LIMS1: variants seen among roughly 807,000 people sequenced by gnomAD.
LIMS1 encodes the protein LIM and senescent cell antigen-like-containing domain protein 1.
In LIMS1, 18 loss-of-function variants were observed where a neutral mutation model predicts 44.1. The ratio of observed to expected loss-of-function variants is 0.41; its 90% confidence interval spans 0.28 to 0.61. LIMS1 has a LOEUF of 0.61. LIMS1 is among the 20% of genes least tolerant of loss of function. The pLI is 0.32. For synonymous variants in LIMS1, 93 were observed against 149.1 expected, an observed-to-expected ratio of 0.62 and a Z score of 2.74; for missense variants, 201 against 422.0, an observed-to-expected ratio of 0.48 and a Z score of 4.59.
In LIMS1 at chr2:108,590,809, GATCTACCC is replaced by G. The variant is rs1047359339; in HGVS notation, c.32+56216_32+56223del. On this transcript the variant is annotated intron_variant, in intron 1 of 9. Transcript: ENST00000544547. ...TATGCTGGGCTGCAAGTGCTTTCTG[GATCTACCC>G]CCTGCCCTATTCCTTTCTGTGCTGT... is the stretch of plus-strand genomic sequence containing the variant. Among the ~76,000 whole-genome samples the G allele has an allele frequency of 3.1e-3, 470 of 152,296 alleles. 1 individual carries two copies. The highest frequency in any genetic ancestry group is 0.011 in the African/African-American group (441 of 41,562).
upstream of LIMS1, chr2:108,534,278 G>GC (rs1458892547): frequency 2.2e-5 from 3 of 136,940 alleles, no homozygotes; most frequent in African/African-American, 5.8e-5. Flanking sequence ...GCCCCGCAAC[G>GC]CCCCGCCCCC....
intron 1 of LIMS1, among the ~76,000 whole-genome samples, chr2:108,606,999 C>G (rs1687305805): frequency 6.6e-6 from 1 of 152,234 alleles, no homozygotes; most frequent in Non-Finnish European, 1.5e-5. Flanking sequence ...CTGAATGTGT[C>G]TCCCCAAAAT....
intron 1 of LIMS1, among the ~76,000 whole-genome samples, chr2:108,642,688 T>A (rs953779630): frequency 2.0e-5 from 3 of 152,170 alleles, no homozygotes; most frequent in Non-Finnish European, 2.9e-5. Context: ...AGCTGCTTTT[T>A]AAAAAAATGT....
intron 1 of LIMS1, among the ~76,000 whole-genome samples, chr2:108,551,598 A>ATATATATATG (rs201865902): frequency 2.1e-5 from 3 of 140,638 alleles, no homozygotes; most frequent in Admixed American, 7.2e-5. Flanking sequence ...CATGGTTCCT[A>ATATATATATG]TATATATATG....
chr2:108,582,030 T>G (rs1267696511), intron 1 of LIMS1, among the ~76,000 whole-genome samples: 1 of 152,250 alleles, frequency 6.6e-6, no homozygotes, highest in African/African-American at 2.4e-5. Context: ...AGTTGGGGAC[T>G]TCTTTGATTA....
chr2:108,629,637 T>C (rs545213697), intron 1 of LIMS1, among the ~76,000 whole-genome samples: 6 of 152,342 alleles, frequency 3.9e-5, no homozygotes, highest in African/African-American at 1.4e-4. Flanking sequence ...AGTGGAACTT[T>C]ACCTTGGGCC....
At chr2:108,578,224 T>C (rs1260169420) in intron 1 of LIMS1, among the ~76,000 whole-genome samples, 2 of 152,334 alleles carry the variant, frequency 1.3e-5, no homozygotes, top group East Asian at 3.9e-4. Context: ...GTTTTGATAC[T>C]ATAGAGAGGT....
At chr2:108,626,152 A>G (rs1027627575) in intron 1 of LIMS1, among the ~76,000 whole-genome samples, 11 of 152,242 alleles carry the variant, frequency 7.2e-5, no homozygotes, top group Non-Finnish European at 1.3e-4. Context: ...TGTTTCTTGC[A>G]TACCTCTTTT....
intron 1 of LIMS1, among the ~76,000 whole-genome samples, chr2:108,544,423 G>A (rs999312922): frequency 7.2e-5 from 11 of 152,104 alleles, no homozygotes; most frequent in African/African-American, 2.7e-4. Context: ...TATTATGGAG[G>A]ATTTCAAACA....
At chr2:108,581,782 A>G (rs1375348192) in intron 1 of LIMS1, among the ~76,000 whole-genome samples, 1 of 152,088 alleles carries the variant, frequency 6.6e-6, no homozygotes, top group African/African-American at 2.4e-5. Flanking sequence ...TACTAAAAAT[A>G]CAAAATTACT....
intron 1 of LIMS1, among the ~76,000 whole-genome samples, chr2:108,644,029 C>G (rs1471908371): frequency 6.6e-5 from 10 of 152,190 alleles, no homozygotes; most frequent in African/African-American, 1.7e-4. Context: ...CAGGGACTTA[C>G]AGATAAAACC....
At chr2:108,617,402 GT>G (rs1687985153) in intron 1 of LIMS1, among the ~76,000 whole-genome samples, 1 of 152,138 alleles carries the variant, frequency 6.6e-6, no homozygotes, top group South Asian at 2.1e-4. Context: ...AAGCTTCAGA[GT>G]TTTAGTCTCA....
intron 1 of LIMS1, among the ~76,000 whole-genome samples, chr2:108,572,538 C>G (rs114625306): frequency 3.3e-5 from 5 of 151,808 alleles, no homozygotes; most frequent in Non-Finnish European, 7.4e-5. Context: ...AGGAGGATTA[C>G]CCCACCCAGC....
intron 1 of LIMS1, among the ~76,000 whole-genome samples, chr2:108,606,788 A>G (rs554175272): frequency 1.0e-3 from 153 of 152,332 alleles, no homozygotes; most frequent in Middle Eastern, 3.4e-3. Flanking sequence ...TGGGAGTCCT[A>G]TGTGAGGAGA....
chr2:108,621,393 T>TCTG, intron 1 of LIMS1: 3 of 1,550,148 alleles, frequency 1.9e-6, no homozygotes, highest in Non-Finnish European at 2.6e-6. Context: ...CACATTCAGG[T>TCTG]CTCTACAGGA....
At chr2:108,635,640 C>T (rs1286696057) in intron 1 of LIMS1, among the ~76,000 whole-genome samples, 2 of 129,600 alleles carry the variant, frequency 1.5e-5, no homozygotes, top group African/African-American at 5.5e-5. Flanking sequence ...GGGGAGGTTT[C>T]GGTGAACTGA....
chr2:108,587,110 C>G (rs1028328517), intron 1 of LIMS1, among the ~76,000 whole-genome samples: 1 of 152,064 alleles, frequency 6.6e-6, no homozygotes, highest in African/African-American at 2.4e-5. Flanking sequence ...TTAGAACTCC[C>G]TCTGCCTTTA....
At chr2:108,563,193 A>G (rs1685182502) in intron 1 of LIMS1, among the ~76,000 whole-genome samples, 1 of 152,260 alleles carries the variant, frequency 6.6e-6, no homozygotes, top group East Asian at 1.9e-4. Flanking sequence ...AAGGAGATTA[A>G]TGTTATTTCC....
intron 1 of LIMS1, among the ~76,000 whole-genome samples, chr2:108,568,324 C>T (rs542650733): frequency 2.0e-5 from 3 of 152,330 alleles, no homozygotes; most frequent in Admixed American, 2.0e-4. Context: ...TTTCACTTCA[C>T]ATAATGTCCT....
Sources: gnomAD v4.1 joint callset for allele counts (sites outside exome capture counted in the v4.1 genomes callset) on GRCh38, gnomAD v4.1.1 for gene constraint, MANE v1.5 for transcripts, NCBI Gene and HGNC (gene_info 2026-07-23, HGNC 2026-07-21) for gene names.